The following ZNF678 variants were observed in gnomAD, a reference collection of about 807,000 sequenced individuals.
ZNF678 encodes hypothetical protein MGC42493.
In ZNF678, 5 loss-of-function variants were observed where a neutral mutation model predicts 3.0. That is an observed-to-expected ratio of 1.69 (90% CI 0.88 to 3.56). ZNF678 has a LOEUF of 3.56. ZNF678 is among the 30% of genes most tolerant of loss of function. The probability of loss-of-function intolerance (pLI) is 0.00; values close to 1 mark genes in which losing one functional copy is unlikely to be tolerated. For synonymous variants in ZNF678, 218 were observed against 199.6 expected (o/e 1.09, Z -0.78); for missense variants, 593 against 605.0 (o/e 0.98, Z 0.21).
chr1:227,582,487 ATTT>A, intron 1 of ZNF678: 9 of 110,968 alleles, frequency 8.1e-5, no homozygotes, highest in South Asian at 5.5e-4. Context: ...TGCCCAGCTA[ATTT>A]TTTTTTTTTT....
At chr1:227,647,256 TCAA>T (rs1358181140) in intron 2 of ZNF678, among the ~76,000 whole-genome samples, 2 of 152,184 alleles carry the variant, frequency 1.3e-5, no homozygotes, top group Non-Finnish European at 2.9e-5. Flanking sequence ...AAACTCCGTC[TCAA>T]CAAACAAACA....
At chr1:227,678,537 C>T (rs1659719850), downstream of ZNF678, among the ~76,000 whole-genome samples, 1 of 152,142 alleles carries the variant, frequency 6.6e-6, no homozygotes. Flanking sequence ...ACTGGTGAGT[C>T]AAGCAATGGC....
intron 1 of ZNF678, among the ~76,000 whole-genome samples, chr1:227,575,756 C>G (rs938204847): frequency 6.6e-6 from 1 of 151,992 alleles, no homozygotes; most frequent in African/African-American, 2.4e-5. Context: ...GCCTGATTGC[C>G]CTGGCCAGGA....
intron 1 of ZNF678, among the ~76,000 whole-genome samples, chr1:227,612,457 A>C (rs1571886216): frequency 6.6e-6 from 1 of 152,228 alleles, no homozygotes; most frequent in African/African-American, 2.4e-5. Context: ...CCTTTGGTGG[A>C]ACGGTGCTGA....
intron 1 of ZNF678, chr1:227,598,808 A>G: frequency 1.8e-6 from 1 of 561,760 alleles, no homozygotes; most frequent in Admixed American, 2.6e-5. Flanking sequence ...TTTCACAATC[A>G]GAAGAACTGC....
rs576298097 is a variant in ZNF678 at position 227,657,066 on chromosome 1, C to A, written c.*1238C>A. The A allele has an allele frequency of 3.3e-5, 5 of 151,700 alleles. No individual in the cohort carries two copies. The highest frequency in any genetic ancestry group is 1.2e-4 in the African/African-American group (5 of 41,396). 9.4% of individuals were successfully genotyped at this position (151,700 alleles called of 1,614,324 possible). A position where few individuals can be genotyped will look rare whatever the true frequency, so the allele number is the denominator to read the frequency against. On this transcript the variant is annotated 3_prime_UTR_variant, in exon 4 of 4. Transcript: ENST00000343776. ...GCCTTACCTCATGTTGAAATGTGTTCCCCCATGTTGGAGGCGGGGTCTAGT... is the reference window on the plus strand; with the variant it reads ...GCCTTACCTCATGTTGAAATGTGTTACCCCATGTTGGAGGCGGGGTCTAGT...
At position 227,652,556 on chromosome 1, in the gene ZNF678, G is replaced by A. The variant is rs555362877; in HGVS notation, c.85+1480G>A. On this transcript the variant is annotated intron_variant, in intron 3 of 3. Transcript: ENST00000343776. ...TTCTGTGTGTGTTTATGTGTACTCT[G>A]TAGGTATTTTCTTTGTGGTTACCAT... is the stretch of plus-strand genomic sequence containing the variant. 5.3e-5 allele frequency among the ~76,000 whole-genome samples: 8 copies of A among 152,162 alleles called. No homozygotes were observed. The East Asian group carries it at 1.5e-3, about 29-fold the overall frequency.
intron 1 of ZNF678, among the ~76,000 whole-genome samples, chr1:227,572,528 G>A (rs934430305): frequency 6.6e-5 from 10 of 152,160 alleles, no homozygotes; most frequent in Non-Finnish European, 1.3e-4. Flanking sequence ...GAAACTAGCT[G>A]GCCACTGCCT....
intron 3 of ZNF678, among the ~76,000 whole-genome samples, chr1:227,652,370 A>G (rs1488593160): frequency 1.3e-5 from 2 of 152,174 alleles, no homozygotes; most frequent in East Asian, 1.9e-4. Context: ...GAGACAAGAC[A>G]TAGTTTGTGG....
chr1:227,584,761 C>T (rs1317686254), intron 1 of ZNF678, among the ~76,000 whole-genome samples: 2 of 152,098 alleles, frequency 1.3e-5, no homozygotes, highest in African/African-American at 4.8e-5. Context: ...TAAGAGGAAA[C>T]AAGGATGAGG....
chr1:227,664,820 C>T (rs2102817344), downstream of ZNF678, among the ~76,000 whole-genome samples: 1 of 151,878 alleles, frequency 6.6e-6, no homozygotes, highest in African/African-American at 2.4e-5. Flanking sequence ...TATGACCTAC[C>T]CAAAGGCCCT....
intron 1 of ZNF678, among the ~76,000 whole-genome samples, chr1:227,566,483 T>A (rs1656688511): frequency 6.6e-6 from 1 of 152,142 alleles, no homozygotes; most frequent in African/African-American, 2.4e-5. Flanking sequence ...GGGCACACCG[T>A]GAGGCACAGT....
At chr1:227,669,096 GAA>G (rs775949798) in intron 5 of ZNF678, among the ~76,000 whole-genome samples, 4 of 138,680 alleles carry the variant, frequency 2.9e-5, no homozygotes, top group African/African-American at 5.3e-5. Flanking sequence ...CTGCAAAGTG[GAA>G]AAAAAAAAAA....
chr1:227,640,915 C>G (rs1450123252), intron 1 of ZNF678, among the ~76,000 whole-genome samples: 1 of 152,196 alleles, frequency 6.6e-6, no homozygotes, highest in African/African-American at 2.4e-5. Flanking sequence ...CCTCCCCAAA[C>G]GGAATCAAAT....
intron 1 of ZNF678, 103 bp downstream of exon 1, chr1:227,563,827 C>T (rs1379456165): frequency 8.8e-7 from 1 of 1,130,458 alleles, no homozygotes; most frequent in Non-Finnish European, 1.2e-6. Context: ...TGGGATCTGT[C>T]ACCTCTGGGT....
At chr1:227,679,299 CAAAG>C (rs763992327), downstream of ZNF678, among the ~76,000 whole-genome samples, 10 of 152,190 alleles carry the variant, frequency 6.6e-5, no homozygotes, top group East Asian at 3.9e-4. Flanking sequence ...TTTCTGCCCC[CAAAG>C]AAAGAAGAAG....
At chr1:227,626,817 C>T (rs1658430447) in intron 1 of ZNF678, among the ~76,000 whole-genome samples, 1 of 151,970 alleles carries the variant, frequency 6.6e-6, no homozygotes, top group Non-Finnish European at 1.5e-5. Flanking sequence ...GTCTGGGATA[C>T]TCCCTGGGTT....
intron 5 of ZNF678, among the ~76,000 whole-genome samples, chr1:227,676,721 T>G (rs1659686951): frequency 7.1e-6 from 1 of 140,236 alleles, no homozygotes; most frequent in African/African-American, 2.6e-5. Context: ...CCTTCCTGTG[T>G]CCATGTGTTC....
At chr1:227,670,862 T>C (rs1475144268) in intron 5 of ZNF678, among the ~76,000 whole-genome samples, 1 of 152,166 alleles carries the variant, frequency 6.6e-6, no homozygotes, top group Non-Finnish European at 1.5e-5. Context: ...TTAATAATTA[T>C]GTTCAACTTT....
Sources: allele counts gnomAD v4.1 joint callset (sites outside exome capture counted in the v4.1 genomes callset), GRCh38; gene constraint gnomAD v4.1.1; transcripts MANE v1.5; gene names NCBI Gene and HGNC (gene_info 2026-07-23, HGNC 2026-07-21).